FILIP1L: variants seen among roughly 807,000 people sequenced by gnomAD.
FILIP1L encodes filamin A interacting protein 1 like.
In FILIP1L, 55 loss-of-function variants were observed where a neutral mutation model predicts 96.6. The observed-to-expected ratio is 0.57, with a 90% CI of 0.46 to 0.71. The LOEUF (loss-of-function observed/expected upper bound fraction) is 0.71. FILIP1L is among the 30% of genes least tolerant of loss of function. The probability of loss-of-function intolerance (pLI) is 0.00; values close to 1 mark genes in which losing one functional copy is unlikely to be tolerated. For synonymous variants in FILIP1L, 467 were observed against 473.9 expected (o/e 0.99, Z 0.19); for missense variants, 1,304 against 1,321.2 (o/e 0.99, Z 0.20).
Position 99,849,750 on chromosome 3 carries a change from C to T in FILIP1L, c.1926G>A (p.Met642Ile), listed in dbSNP as rs374810121. The change falls in exon 5 of 6, where the codon ATG becomes ATA. Residue 642 changes from methionine (M) to isoleucine (I), a missense_variant. Physicochemically the swap from Met to Ile is conservative, Grantham distance 10. Transcript: ENST00000477258. Reference protein sequence around the residue: ...VERLKLKLKDMKAIEDDLMKT... With the variant: ...VERLKLKLKDIKAIEDDLMKT... ...TCATGAGGTCATCCTCAATGGCTTT[C>T]ATGTCCTTTAGCTTCAGTTTCAGTC... 4 of 1,613,700 alleles carry T rather than the reference C, an allele frequency of 2.5e-6. No homozygotes were observed. In the African/African-American group the frequency reaches 5.3e-5, roughly 22 times the overall value.
intron 4 of FILIP1L, among the ~76,000 whole-genome samples, chr3:99,919,357 C>A (rs148495137): frequency 6.7e-6 from 1 of 150,256 alleles, no homozygotes; most frequent in South Asian, 2.2e-4. Flanking sequence ...TTGTTTTACA[C>A]AATGAACAAA....
intron 1 of FILIP1L, among the ~76,000 whole-genome samples, chr3:99,948,911 C>T (rs1708096193): frequency 6.6e-6 from 1 of 152,132 alleles, no homozygotes. Flanking sequence ...TCATTGTAAA[C>T]TGCACACTGT....
intron 1 of FILIP1L, among the ~76,000 whole-genome samples, chr3:100,031,427 G>A (rs774312903): frequency 2.0e-5 from 3 of 152,046 alleles, no homozygotes; most frequent in South Asian, 2.1e-4. Context: ...GGAGTTGGTG[G>A]TAGGGTTCAC....
chr3:99,933,992 G>T (rs1707576645), intron 1 of FILIP1L, among the ~76,000 whole-genome samples: 1 of 152,178 alleles, frequency 6.6e-6, no homozygotes, highest in Admixed American at 6.5e-5. Flanking sequence ...GGCCTGGATG[G>T]TCTAAGACGG....
At chr3:99,880,217 T>G (rs528909706) in intron 4 of FILIP1L, among the ~76,000 whole-genome samples, 1 of 152,278 alleles carries the variant, frequency 6.6e-6, no homozygotes, top group African/African-American at 2.4e-5. Context: ...CTAATCAACC[T>G]CATTTCTTCA....
chr3:99,931,034 G>A lies in FILIP1L; in HGVS notation c.-10-4C>T, dbSNP rs752728827. 3 of 1,608,320 alleles carry A rather than the reference G, an allele frequency of 1.9e-6. No homozygotes were observed. Among genetic ancestry groups the A allele is most frequent in the Non-Finnish European group, 2.5e-6 (3 of 1,177,524 alleles). Reference sequence around the variant, plus strand: ...TCTGGAACGCATTCTTTAAAGCCTGGAAGGAGGGAAGAAAATTTGTAAAGC... The same window carrying A: ...TCTGGAACGCATTCTTTAAAGCCTGAAAGGAGGGAAGAAAATTTGTAAAGC... On this transcript the variant is annotated splice_region_variant and splice_polypyrimidine_tract_variant and intron_variant, in intron 1 of 5. Transcript: ENST00000477258.
At chr3:100,020,836 C>G (rs1179396020) in intron 1 of FILIP1L, among the ~76,000 whole-genome samples, 2 of 127,086 alleles carry the variant, frequency 1.6e-5, no homozygotes, top group Non-Finnish European at 3.1e-5. Flanking sequence ...GGCACGATCT[C>G]AGCTCACTGC....
intron 1 of FILIP1L, among the ~76,000 whole-genome samples, chr3:99,932,321 T>C (rs995347904): frequency 6.6e-6 from 1 of 152,198 alleles, no homozygotes; most frequent in African/African-American, 2.4e-5. Context: ...CTTATGTAAA[T>C]ACCATATTGA....
At chr3:99,868,034 A>G (rs1396956932) in intron 4 of FILIP1L, among the ~76,000 whole-genome samples, 3 of 152,208 alleles carry the variant, frequency 2.0e-5, no homozygotes, top group African/African-American at 7.2e-5. Flanking sequence ...GATATAAGCC[A>G]TTTAGCCCAG....
At chr3:99,937,840 C>T (rs1344194593) in intron 1 of FILIP1L, among the ~76,000 whole-genome samples, 1 of 152,176 alleles carries the variant, frequency 6.6e-6, no homozygotes, top group Admixed American at 6.5e-5. Flanking sequence ...AGACCTCTTA[C>T]CACATGCCAG....
rs912706220 is a variant in FILIP1L at position 100,032,760 on chromosome 3, C to T, written c.-11+81293G>A. Reference sequence around the variant, plus strand: ...TGCTTTGTAGGTAACTCACTTATAACAATTGCATAAATGGTAATGCAGTTG... The same window carrying T: ...TGCTTTGTAGGTAACTCACTTATAATAATTGCATAAATGGTAATGCAGTTG... On this transcript the variant is annotated intron_variant, in intron 1 of 5. Coordinates refer to ENST00000477258, the MANE Select transcript of FILIP1L (RefSeq NM_001387850.1). Among the ~76,000 whole-genome samples the T allele has an allele frequency of 3.9e-5, 6 of 152,228 alleles. No individual in the cohort carries two copies. In the East Asian group the frequency reaches 1.2e-3, roughly 29 times the overall value.
intron 1 of FILIP1L, among the ~76,000 whole-genome samples, chr3:100,021,271 T>C (rs996481440): frequency 1.3e-5 from 2 of 152,212 alleles, no homozygotes; most frequent in African/African-American, 2.4e-5. Flanking sequence ...TCTCCTTATA[T>C]ATAATAAGTT....
intron 3 of FILIP1L, among the ~76,000 whole-genome samples, chr3:99,927,012 C>T (rs942867448): frequency 3.3e-5 from 5 of 152,174 alleles, no homozygotes; most frequent in Admixed American, 6.5e-5. Flanking sequence ...AGGCCCTTCA[C>T]CATCTGAACC....
chr3:100,048,252 A>G (rs9833980), intron 1 of FILIP1L, among the ~76,000 whole-genome samples: 28,178 of 152,188 alleles, frequency 0.19, 2,954 homozygotes, highest in South Asian at 0.25. Flanking sequence ...AAAACTAGCA[A>G]TAGACTTAAA....
At chr3:99,833,139 A>G in intron 5 of FILIP1L, 1 of 1,092,448 alleles carries the variant, frequency 9.2e-7, no homozygotes, top group Non-Finnish European at 1.4e-6. Flanking sequence ...TGGAAAGCTC[A>G]TTCATAGAAG....
intron 1 of FILIP1L, among the ~76,000 whole-genome samples, chr3:100,005,638 G>A (rs1709965590): frequency 1.3e-5 from 2 of 152,176 alleles, no homozygotes; most frequent in African/African-American, 4.8e-5. Context: ...AATATAGCCA[G>A]AAATATTTGT....
intron 4 of FILIP1L, among the ~76,000 whole-genome samples, chr3:99,894,347 T>C (rs1706183475): frequency 6.6e-6 from 1 of 152,232 alleles, no homozygotes. Flanking sequence ...TGTGGGTGCC[T>C]AACAGGAGCT....
rs180950925 is a variant in FILIP1L at position 100,030,499 on chromosome 3, A to G, written c.-11+83554T>C. ...AAGGCATTATTGCTCATTCTCATTC[A>G]TGCATGTCTCATCTACTCTAGTCTT... is the stretch of plus-strand genomic sequence containing the variant. On this transcript the variant is annotated intron_variant, in intron 1 of 5. Transcript: ENST00000477258. 2.8e-4 allele frequency among the ~76,000 whole-genome samples: 42 copies of G among 152,304 alleles called. No individual in the cohort carries two copies. In the East Asian group the frequency reaches 6.6e-3, roughly 24 times the overall value.
intron 5 of FILIP1L, 67 bp downstream of exon 5, chr3:99,848,228 G>A: frequency 3.2e-6 from 5 of 1,584,110 alleles, no homozygotes; most frequent in African/African-American, 1.3e-5. Flanking sequence ...AAAGGATTGA[G>A]TTCCTTGCAA....
Sources: allele counts gnomAD v4.1 joint callset (sites outside exome capture counted in the v4.1 genomes callset), GRCh38; gene constraint gnomAD v4.1.1; transcripts MANE v1.5; gene names NCBI Gene and HGNC (gene_info 2026-07-23, HGNC 2026-07-21).